HDAC9: variants seen among roughly 807,000 people sequenced by gnomAD.
HDAC9 encodes MEF-2 interacting transcription repressor (MITR) protein.
Under a neutral mutation model 139.4 loss-of-function variants are expected in HDAC9, and 41 were observed. The ratio of observed to expected loss-of-function variants is 0.29; its 90% CI spans 0.23 to 0.38. The LOEUF is 0.38. HDAC9 is among the 10% of genes least tolerant of loss of function. The pLI, the probability that HDAC9 is intolerant of heterozygous loss-of-function variation, is 1.00. For synonymous variants in HDAC9, 517 were observed against 476.2 expected (o/e 1.09, Z -1.12); for missense variants, 1,147 against 1,297.0 (o/e 0.88, Z 1.78).
intron 2 of HDAC9, among the ~76,000 whole-genome samples, chr7:18,180,361 C>T (rs1398776618): frequency 6.6e-6 from 1 of 151,710 alleles, no homozygotes; most frequent in African/African-American, 2.4e-5. Context: ...CTTTCTGGAC[C>T]TTGTGCTAGC....
intron 1 of HDAC9, among the ~76,000 whole-genome samples, chr7:18,461,243 T>G (rs1793821351): frequency 6.6e-6 from 1 of 152,176 alleles, no homozygotes; most frequent in Non-Finnish European, 1.5e-5. Context: ...CTAACCCTTT[T>G]TGACATAGAT....
intron 1 of HDAC9, among the ~76,000 whole-genome samples, chr7:18,149,261 G>A (rs966446722): frequency 4.0e-5 from 6 of 149,438 alleles, no homozygotes; most frequent in Non-Finnish European, 5.9e-5. Context: ...TTTCTTACTC[G>A]TTTATACATA....
At chr7:18,918,830 C>T (rs939267047) in intron 22 of HDAC9, among the ~76,000 whole-genome samples, 21 of 151,990 alleles carry the variant, frequency 1.4e-4, no homozygotes, top group African/African-American at 4.8e-4. Flanking sequence ...AATGAGAGTT[C>T]TCCTGTTTAA....
rs1036183703 is a variant in HDAC9 at position 18,998,372 on chromosome 7, T to C, written c.*2310T>C. ...AATCACTAGGACATCTCCATGGTTA[T>C]TTAGATTTAAAACTTGACACATTAA... On this transcript the variant is annotated 3_prime_UTR_variant, in exon 26 of 26. Transcript: ENST00000686413. The C allele has an allele frequency of 6.6e-6, 1 of 152,226 alleles. No individual in the cohort carries two copies. The highest frequency in any genetic ancestry group is 1.5e-5 in the Non-Finnish European group (1 of 68,032). The allele number at this position is 152,226 out of a possible 1,614,324, so 9.4% of individuals were successfully genotyped here.
chr7:18,098,234 A>G (rs1420350814), intron 1 of HDAC9, among the ~76,000 whole-genome samples: 2 of 152,220 alleles, frequency 1.3e-5, no homozygotes. Flanking sequence ...TGAGATCTTT[A>G]TGCAATTTGT....
chr7:18,691,790 A>G (rs1782692294), intron 12 of HDAC9, among the ~76,000 whole-genome samples: 1 of 152,036 alleles, frequency 6.6e-6, no homozygotes, highest in South Asian at 2.1e-4. Context: ...GCTAACATAG[A>G]CTGCAGTGGT....
intron 11 of HDAC9, among the ~76,000 whole-genome samples, chr7:18,653,487 C>A (rs1790038866): frequency 6.6e-6 from 1 of 152,082 alleles, no homozygotes; most frequent in Admixed American, 6.6e-5. Context: ...TATCAGCCAA[C>A]ACTTTTTTAA....
chr7:18,495,846 C>G lies in HDAC9; in HGVS notation c.-219C>G, dbSNP rs1419211206. On this transcript the variant is annotated 5_prime_UTR_variant, in exon 1 of 26. Transcript: ENST00000686413. Reference sequence around the variant, plus strand: ...CAAAACCCTAGCAGCCTGAAGAACTCTAAGCCAGGTTTAATTGGTTTCTTT... The same window carrying G: ...CAAAACCCTAGCAGCCTGAAGAACTGTAAGCCAGGTTTAATTGGTTTCTTT... 9.5e-7 allele frequency: 1 copy of G among 1,052,612 alleles called. No homozygotes were observed. Among genetic ancestry groups the G allele is most frequent in the Admixed American group, 5.3e-5 (1 of 18,814 alleles). 65.2% of individuals were successfully genotyped at this position (1,052,612 alleles called of 1,614,324 possible). A position where few individuals can be genotyped will look rare whatever the true frequency, so the allele number is the denominator to read the frequency against.
chr7:18,625,797 A>C (rs1356726328), intron 6 of HDAC9, among the ~76,000 whole-genome samples: 1 of 151,844 alleles, frequency 6.6e-6, no homozygotes, highest in East Asian at 1.9e-4. Flanking sequence ...ATACAAAATT[A>C]GCCAGGCATG....
chr7:18,253,053 C>T (rs892095120), intron 2 of HDAC9, among the ~76,000 whole-genome samples: 8 of 152,192 alleles, frequency 5.3e-5, no homozygotes, highest in African/African-American at 1.9e-4. Context: ...ATAATGGCCT[C>T]CAGCTCTATG....
intron 21 of HDAC9, among the ~76,000 whole-genome samples, chr7:18,845,646 T>C (rs1796855747): frequency 6.6e-6 from 1 of 152,088 alleles, no homozygotes. Context: ...CTGTTTGGTC[T>C]CATAGTTCTT....
chr7:18,282,716 AAAT>A (rs1008600013), intron 2 of HDAC9, among the ~76,000 whole-genome samples: 38 of 152,074 alleles, frequency 2.5e-4, no homozygotes, highest in African/African-American at 9.2e-4. Flanking sequence ...ACCGGGGGAA[AAAT>A]AATAAATGAG....
intron 21 of HDAC9, among the ~76,000 whole-genome samples, chr7:18,868,766 C>G (rs1034689192): frequency 3.3e-5 from 5 of 152,122 alleles, no homozygotes; most frequent in Non-Finnish European, 5.9e-5. Flanking sequence ...TTCCTTTCAC[C>G]TGTCCCAAGG....
chr7:18,464,510 G>A (rs763312248), intron 1 of HDAC9, among the ~76,000 whole-genome samples: 1 of 151,940 alleles, frequency 6.6e-6, no homozygotes, highest in Admixed American at 6.5e-5. Context: ...TTGTCAGATT[G>A]TCTTGTCTCT....
At chr7:18,503,177 C>T (rs1798847170) in intron 2 of HDAC9, among the ~76,000 whole-genome samples, 1 of 152,148 alleles carries the variant, frequency 6.6e-6, no homozygotes, top group Non-Finnish European at 1.5e-5. Flanking sequence ...TGGCCTCTGC[C>T]TCAAATGAGT....
At chr7:18,194,072 C>G (rs6461373) in intron 2 of HDAC9, among the ~76,000 whole-genome samples, 1 of 151,854 alleles carries the variant, frequency 6.6e-6, no homozygotes, top group Non-Finnish European at 1.5e-5. Flanking sequence ...CCCATGAGGT[C>G]GGTCCAAGCC....
intron 25 of HDAC9, among the ~76,000 whole-genome samples, chr7:18,980,739 CTT>C (rs1161980289): frequency 5.2e-3 from 197 of 38,122 alleles, no homozygotes; most frequent in Middle Eastern, 0.027. Flanking sequence ...TCTTCTTCTT[CTT>C]CTTCCTTCTT....
chr7:18,943,280 T>C (rs1782147017), intron 23 of HDAC9, among the ~76,000 whole-genome samples: 1 of 152,138 alleles, frequency 6.6e-6, no homozygotes, highest in Non-Finnish European at 1.5e-5. Context: ...TTCCTAACTC[T>C]ACTGTGTGGT....
chr7:18,514,587 T>C (rs1022931437), intron 2 of HDAC9, among the ~76,000 whole-genome samples: 6 of 152,234 alleles, frequency 3.9e-5, no homozygotes, highest in Non-Finnish European at 7.3e-5. Flanking sequence ...GCAGGTCAGC[T>C]GCTTAATAAG....
Sources: allele counts gnomAD v4.1 joint callset (sites outside exome capture counted in the v4.1 genomes callset), GRCh38; gene constraint gnomAD v4.1.1; transcripts MANE v1.5; gene names NCBI Gene and HGNC (gene_info 2026-07-23, HGNC 2026-07-21).